The following KIAA0319L variants were observed in gnomAD, a reference collection of about 807,000 sequenced individuals.
KIAA0319L encodes KIAA0319 like, also known as dyslexia-associated protein KIAA0319-like protein.
A neutral mutation model predicts 120.1 loss-of-function variants in KIAA0319L; 55 were observed. That is an observed-to-expected ratio of 0.46 (90% confidence interval 0.37 to 0.57). The LOEUF (loss-of-function observed/expected upper bound fraction) is 0.57. KIAA0319L is among the 20% of genes least tolerant of loss of function. KIAA0319L has a pLI of 0.00. For synonymous variants in KIAA0319L, 398 were observed against 471.9 expected (o/e 0.84, Z 2.03); for missense variants, 1,049 against 1,255.3 (o/e 0.84, Z 2.48).
chr1:35,472,648 CAGG>C (rs1643694716), intron 5 of KIAA0319L, among the ~76,000 whole-genome samples: 1 of 151,980 alleles, frequency 6.6e-6, no homozygotes, highest in South Asian at 2.1e-4. Context: ...TGCCATAGGG[CAGG>C]AGAAGGATAA....
At chr1:35,549,078 TCTCC>T (rs1440601166) in intron 2 of KIAA0319L, among the ~76,000 whole-genome samples, 1 of 150,534 alleles carries the variant, frequency 6.6e-6, no homozygotes, top group African/African-American at 2.5e-5. Context: ...AGAGACAGGG[TCTCC>T]CTCTGTCACC....
chr1:35,486,756 T>G (rs887144174), intron 3 of KIAA0319L, among the ~76,000 whole-genome samples: 7 of 98,940 alleles, frequency 7.1e-5, no homozygotes, highest in Admixed American at 1.1e-4. Context: ...AAAAAAAAAA[T>G]TATAATTAGC....
chr1:35,489,359 A>G (rs1261905967), intron 3 of KIAA0319L, among the ~76,000 whole-genome samples: 1 of 152,220 alleles, frequency 6.6e-6, no homozygotes, highest in African/African-American at 2.4e-5. Context: ...ATCAGGTGAT[A>G]AAAAACAGTG....
chr1:35,527,398 C>T (rs1232293471), intron 2 of KIAA0319L, among the ~76,000 whole-genome samples: 1 of 152,094 alleles, frequency 6.6e-6, no homozygotes, highest in Non-Finnish European at 1.5e-5. Flanking sequence ...ATGCTGGCTT[C>T]ATAGAATTAT....
At chr1:35,465,847 T>C (rs1010657717) in intron 7 of KIAA0319L, among the ~76,000 whole-genome samples, 1 of 151,220 alleles carries the variant, frequency 6.6e-6, no homozygotes, top group African/African-American at 2.4e-5. Flanking sequence ...GATTTGATGG[T>C]TTTAAAAATG....
At chr1:35,450,987 G>A (rs1461722907) in intron 13 of KIAA0319L, among the ~76,000 whole-genome samples, 2 of 152,070 alleles carry the variant, frequency 1.3e-5, no homozygotes, top group South Asian at 2.1e-4. Flanking sequence ...TCTCTTATTC[G>A]GAGCCCCACG....
In KIAA0319L at chr1:35,435,385, C is replaced by A. The variant is rs191806154; in HGVS notation, c.2963-304G>T. 7.4e-5 allele frequency: 20 copies of A among 271,156 alleles called. No homozygotes were observed. In the East Asian group the frequency reaches 1.5e-3, roughly 20 times the overall value. 16.8% of individuals were successfully genotyped at this position (271,156 alleles called of 1,614,324 possible). A position where few individuals can be genotyped will look rare whatever the true frequency, so the allele number is the denominator to read the frequency against. ...ACTCAGTGACATTCTCTTTTCTTTA[C>A]CTTTCAAATTTGGAATATTTTATCA... is the stretch of plus-strand genomic sequence containing the variant. On this transcript the variant is annotated intron_variant, in intron 20 of 20. Transcript: ENST00000325722.
intron 2 of KIAA0319L, among the ~76,000 whole-genome samples, chr1:35,515,312 CAAA>C (rs765616874): frequency 8.9e-5 from 6 of 67,412 alleles, no homozygotes; most frequent in Non-Finnish European, 9.5e-5. Context: ...AACTCCATCT[CAAA>C]AAAAAAAAAA....
intron 3 of KIAA0319L, among the ~76,000 whole-genome samples, chr1:35,487,257 C>CT (rs879608734): frequency 1.9e-3 from 269 of 142,882 alleles, no homozygotes; most frequent in Middle Eastern, 7.4e-3. Context: ...GTTCTCACAA[C>CT]TTTTTTTTTT....
At chr1:35,448,966 G>A (rs1447577628) in intron 15 of KIAA0319L, among the ~76,000 whole-genome samples, 1 of 152,318 alleles carries the variant, frequency 6.6e-6, no homozygotes, top group East Asian at 1.9e-4. Context: ...TCCTAAAGAT[G>A]TTCTACATTT....
At chr1:35,536,187 G>T (rs1232036954) in intron 2 of KIAA0319L, among the ~76,000 whole-genome samples, 2 of 152,214 alleles carry the variant, frequency 1.3e-5, no homozygotes, top group Admixed American at 1.3e-4. Context: ...TAGGAAATAT[G>T]AGAGATGTGC....
chr1:35,484,806 A>ATATATATATATATATTT (rs1381080295), intron 3 of KIAA0319L, among the ~76,000 whole-genome samples: 1 of 86,264 alleles, frequency 1.2e-5, no homozygotes, highest in African/African-American at 6.0e-5. Flanking sequence ...ATATATATAT[A>ATATATATATATATATTT]TTTTTTTTTT....
chr1:35,434,836 G>A lies in KIAA0319L; in HGVS notation c.*58C>T. On this transcript the variant is annotated 3_prime_UTR_variant, in exon 21 of 21. Transcript: ENST00000325722. ...CAGCAGCTGCCCGCAGACTCGGGAG[G>A]TAGGAGGACTGGCCGGGCAGTGTGC... is the stretch of plus-strand genomic sequence containing the variant. 1 of 1,474,814 alleles carries A rather than the reference G, an allele frequency of 6.8e-7. No individual in the cohort carries two copies. The highest frequency in any genetic ancestry group is 9.3e-7 in the Non-Finnish European group (1 of 1,079,112). The allele number at this position is 1,474,814 out of a possible 1,614,324, so 91.4% of individuals were successfully genotyped here. A position where few individuals can be genotyped will look rare whatever the true frequency, so the allele number is the denominator to read the frequency against.
chr1:35,475,049 T>G, intron 4 of KIAA0319L, 143 bp from the exon 5 acceptor site: 1 of 561,664 alleles, frequency 1.8e-6, no homozygotes, highest in Non-Finnish European at 3.1e-6. Flanking sequence ...CTCTAATTGC[T>G]TGAAATTTGA....
In KIAA0319L at chr1:35,442,335, C is replaced by T. The variant is rs140190526; in HGVS notation, c.2781G>A (p.Glu927=). The T allele has an allele frequency of 3.7e-6, 6 of 1,612,696 alleles. No individual in the cohort carries two copies. In the African/African-American group the frequency reaches 6.7e-5, roughly 18 times the overall value. ...VQLRDGDSNC[E]WSVLYVIIAT... ...CAATGATAACATATAACACGCTCCACTCTGCCAAGAAAATCAAAATGGTGA... is the reference window on the plus strand; with the variant it reads ...CAATGATAACATATAACACGCTCCATTCTGCCAAGAAAATCAAAATGGTGA... Residue 927 remains glutamate (E), a splice_region_variant and synonymous_variant, in exon 19 of 21, where the codon GAG becomes GAA. Coordinates refer to ENST00000325722, the MANE Select transcript of KIAA0319L (RefSeq NM_024874.5).
In KIAA0319L at chr1:35,521,591, G is replaced by A. The variant is rs1295062832; in HGVS notation, c.143-14456C>T. On this transcript the variant is annotated intron_variant, in intron 2 of 20. Transcript: ENST00000325722. ...GGAGCTTGCAATGAGCCAAGATGGC[G>A]CCACTGCACTCCAGCCTGGGTGACG... Among the ~76,000 whole-genome samples, 18 of 137,140 alleles carry A rather than the reference G, an allele frequency of 1.3e-4. No homozygotes were observed. In the East Asian group the frequency reaches 1.6e-3, roughly 12 times the overall value. 90.0% of individuals were successfully genotyped at this position (137,140 alleles called of 152,430 possible). A position where few individuals can be genotyped will look rare whatever the true frequency, so the allele number is the denominator to read the frequency against.
intron 4 of KIAA0319L, among the ~76,000 whole-genome samples, chr1:35,477,463 C>T (rs976344469): frequency 1.4e-4 from 21 of 152,154 alleles, no homozygotes; most frequent in South Asian, 1.0e-3. Context: ...GTCAGGAGAT[C>T]GAGACCATCC....
At chr1:35,486,740 A>AAAAAAAAG in intron 3 of KIAA0319L, among the ~76,000 whole-genome samples, 1 of 150,232 alleles carries the variant, frequency 6.7e-6, no homozygotes, top group East Asian at 1.9e-4. Context: ...ATTTCTACAA[A>AAAAAAAAG]AAAAAAAAAA....
intron 4 of KIAA0319L, among the ~76,000 whole-genome samples, chr1:35,476,333 G>A (rs11264160): frequency 0.075 from 11,457 of 152,156 alleles, 1,067 homozygotes; most frequent in East Asian, 0.44. Context: ...GAAAGCCACC[G>A]ATTATATAAA....
Sources: gnomAD v4.1 joint callset for allele counts (sites outside exome capture counted in the v4.1 genomes callset) on GRCh38, gnomAD v4.1.1 for gene constraint, MANE v1.5 for transcripts, NCBI Gene and HGNC (gene_info 2026-07-23, HGNC 2026-07-21) for gene names.